CDH12: variants seen among roughly 807,000 people sequenced by gnomAD.
CDH12 encodes cadherin-12.
CDH12 carries 41 observed loss-of-function variants against 74.1 expected under a neutral mutation model. The ratio of observed to expected loss-of-function variants is 0.55; its 90% CI spans 0.43 to 0.72. The LOEUF is 0.72. Among genes scored for constraint, CDH12 ranks in the 30% least tolerant of loss-of-function variants. The pLI is 0.00. For missense variants in CDH12, 945 were observed against 977.2 expected (o/e 0.97, Z 0.44); for synonymous variants, 399 against 355.0 (o/e 1.12, Z -1.39).
At chr5:22,716,253 G>A (rs1313489728) in intron 1 of CDH12, among the ~76,000 whole-genome samples, 1 of 152,110 alleles carries the variant, frequency 6.6e-6, no homozygotes, top group Non-Finnish European at 1.5e-5. Context: ...GAGGAGCAGA[G>A]CCTTTACTGG....
chr5:22,831,829 G>A lies in CDH12; in HGVS notation c.-523+21229C>T, dbSNP rs183205239. Among the ~76,000 whole-genome samples, 892 of 152,100 alleles carry A rather than the reference G, an allele frequency of 5.9e-3. 9 individuals are homozygous for A. The highest frequency in any genetic ancestry group is 0.02 in the African/African-American group (838 of 41,504). On this transcript the variant is annotated intron_variant, in intron 1 of 14. Coordinates refer to ENST00000382254, the MANE Select transcript of CDH12 (RefSeq NM_004061.5). The stretch of plus-strand genomic sequence containing the variant: ...AGAGAATTGCTTGAAGCTGGGAGGT[G>A]GAGGTTACAGTATGCCGAGATTGCA...
intron 5 of CDH12, among the ~76,000 whole-genome samples, chr5:22,056,895 T>C (rs1387378553): frequency 6.6e-6 from 1 of 152,030 alleles, no homozygotes; most frequent in Non-Finnish European, 1.5e-5. Context: ...AATTCTTCCA[T>C]TGCACCTGCT....
chr5:22,580,594 T>G, intron 1 of CDH12: 1 of 474,386 alleles, frequency 2.1e-6, no homozygotes, highest in Non-Finnish European at 4.3e-6. Context: ...AACTTTTGGA[T>G]TTTTTTAATC....
At chr5:22,791,181 G>A (rs993938473) in intron 1 of CDH12, among the ~76,000 whole-genome samples, 2 of 152,190 alleles carry the variant, frequency 1.3e-5, no homozygotes, top group Admixed American at 6.5e-5. Context: ...TTCTCCGGAA[G>A]TTTGTTTTCT....
intron 1 of CDH12, among the ~76,000 whole-genome samples, chr5:22,764,257 T>C (rs1746384191): frequency 6.6e-6 from 1 of 151,916 alleles, no homozygotes; most frequent in Non-Finnish European, 1.5e-5. Flanking sequence ...TTTGAGATAT[T>C]TTATGCCTGT....
chr5:22,078,995 G>A (rs1042580582), intron 4 of CDH12, 133 bp from the exon 5 acceptor site: 7 of 254,472 alleles, frequency 2.8e-5, no homozygotes, highest in Non-Finnish European at 4.1e-5. Flanking sequence ...ATTAGTAAAC[G>A]GTCACCGCTA....
At position 21,824,906 on chromosome 5, in the gene CDH12, C is replaced by A. The variant is rs555623616; in HGVS notation, c.815-7774G>T. On this transcript the variant is annotated intron_variant, in intron 8 of 14. Coordinates refer to ENST00000382254, the MANE Select transcript of CDH12 (RefSeq NM_004061.5). ...CAGTGGCTCAAGTCTGTAATCCCAG[C>A]ACTTTGGGAAGCCAAGAGGGGCCGA... 1.6e-4 allele frequency among the ~76,000 whole-genome samples: 24 copies of A among 152,266 alleles called. No homozygotes were observed. In the East Asian group the frequency reaches 1.7e-3, roughly 11 times the overall value.
At chr5:22,776,179 T>A (rs1249131533) in intron 1 of CDH12, among the ~76,000 whole-genome samples, 1 of 152,146 alleles carries the variant, frequency 6.6e-6, no homozygotes, top group Non-Finnish European at 1.5e-5. Context: ...TGAGGATATT[T>A]ATCTATTTCT....
chr5:22,420,165 C>T (rs983265655), intron 2 of CDH12, among the ~76,000 whole-genome samples: 2 of 151,972 alleles, frequency 1.3e-5, no homozygotes, highest in African/African-American at 4.8e-5. Context: ...TGTGTAGAAG[C>T]TCTTTAGTTT....
intron 1 of CDH12, among the ~76,000 whole-genome samples, chr5:22,540,269 C>T (rs1209728400): frequency 1.3e-5 from 2 of 151,812 alleles, no homozygotes; most frequent in African/African-American, 4.8e-5. Flanking sequence ...TTTGTTGATT[C>T]TATATCATTT....
chr5:21,886,448 T>C (rs1752634709), intron 6 of CDH12, among the ~76,000 whole-genome samples: 1 of 148,686 alleles, frequency 6.7e-6, no homozygotes, highest in Admixed American at 6.7e-5. Flanking sequence ...ATTATTTTTC[T>C]TTTTATTAAT....
chr5:22,483,481 C>A (rs1746461023), intron 2 of CDH12, among the ~76,000 whole-genome samples: 1 of 151,064 alleles, frequency 6.6e-6, no homozygotes, highest in African/African-American at 2.4e-5. Context: ...GAAAAGTAAA[C>A]AAGTAAAGCC....
At chr5:22,006,895 T>C (rs936435344) in intron 5 of CDH12, among the ~76,000 whole-genome samples, 2 of 152,190 alleles carry the variant, frequency 1.3e-5, no homozygotes, top group African/African-American at 4.8e-5. Flanking sequence ...TGTTTTATTT[T>C]CCTGTTTATC....
At chr5:22,460,319 C>A (rs997176241) in intron 2 of CDH12, among the ~76,000 whole-genome samples, 5 of 152,108 alleles carry the variant, frequency 3.3e-5, no homozygotes, top group African/African-American at 9.7e-5. Context: ...CCTGTTTATA[C>A]CCTGTGACAA....
intron 5 of CDH12, among the ~76,000 whole-genome samples, chr5:21,981,228 T>G (rs2150127339): frequency 6.6e-6 from 1 of 152,086 alleles, no homozygotes; most frequent in South Asian, 2.1e-4. Flanking sequence ...CTACGTGATA[T>G]CTGAGTGTCT....
At chr5:21,855,702 C>T (rs1291304621) in intron 6 of CDH12, among the ~76,000 whole-genome samples, 1 of 151,436 alleles carries the variant, frequency 6.6e-6, no homozygotes, top group Non-Finnish European at 1.5e-5. Flanking sequence ...ATGCAGTGAG[C>T]AGAACTCCCT....
intron 3 of CDH12, among the ~76,000 whole-genome samples, chr5:22,402,662 T>C (rs185127197): frequency 6.6e-6 from 1 of 152,294 alleles, no homozygotes; most frequent in East Asian, 1.9e-4. Flanking sequence ...TCTTAGCATA[T>C]CTACGTTGCA....
chr5:22,169,935 T>C (rs547973387), intron 4 of CDH12, among the ~76,000 whole-genome samples: 1 of 152,042 alleles, frequency 6.6e-6, no homozygotes, highest in African/African-American at 2.4e-5. Context: ...ATGTCTTCCA[T>C]ATATTCCTAT....
At chr5:22,351,672 T>C (rs1170664048) in intron 3 of CDH12, among the ~76,000 whole-genome samples, 1 of 152,236 alleles carries the variant, frequency 6.6e-6, no homozygotes, top group African/African-American at 2.4e-5. Flanking sequence ...GAATTTATCA[T>C]GAAAATCAGG....
Sources: allele counts gnomAD v4.1 joint callset (sites outside exome capture counted in the v4.1 genomes callset), GRCh38; gene constraint gnomAD v4.1.1; transcripts MANE v1.5; gene names NCBI Gene and HGNC (gene_info 2026-07-23, HGNC 2026-07-21).